Variants in GAS7 observed in about 807,000 individuals in gnomAD.
GAS7 encodes growth arrest specific 7, also known as growth arrest-specific protein 7.
Under a neutral mutation model 71.1 loss-of-function variants are expected in GAS7, and 28 were observed. The observed-to-expected ratio is 0.39, with a 90% CI of 0.29 to 0.54. The LOEUF (loss-of-function observed/expected upper bound fraction) is 0.54. GAS7 is among the 20% of genes least tolerant of loss of function. The pLI, the probability that GAS7 is intolerant of heterozygous loss-of-function variation, is 0.62. For synonymous variants in GAS7, 258 were observed against 245.8 expected, an observed-to-expected ratio of 1.05 and a Z score of -0.46; for missense variants, 436 against 627.8, an observed-to-expected ratio of 0.69 and a Z score of 3.27.
intron 1 of GAS7, among the ~76,000 whole-genome samples, chr17:10,031,383 A>G (rs2072613153): frequency 6.6e-6 from 1 of 152,202 alleles, no homozygotes; most frequent in South Asian, 2.1e-4. Context: ...TCACCCATCA[A>G]CCCTCACAGG....
At chr17:10,085,459 G>C (rs547471669) in intron 1 of GAS7, among the ~76,000 whole-genome samples, 3 of 152,042 alleles carry the variant, frequency 2.0e-5, no homozygotes, top group African/African-American at 7.2e-5. Context: ...CGAGGCGGGC[G>C]GATCACGAGG....
At chr17:10,036,288 G>A (rs1176746103) in intron 1 of GAS7, 7 of 745,048 alleles carry the variant, frequency 9.4e-6, no homozygotes, top group South Asian at 2.9e-5. Flanking sequence ...TAGCACACAG[G>A]GTCCCCAGAC....
At chr17:10,120,583 G>A (rs950730639) in intron 1 of GAS7, among the ~76,000 whole-genome samples, 6 of 152,150 alleles carry the variant, frequency 3.9e-5, no homozygotes, top group Admixed American at 1.3e-4. Flanking sequence ...GTGGTGGCAG[G>A]TGCCTGTAAT....
chr17:9,920,182 A>AGTGTGTGTGTGT lies in GAS7; in HGVS notation c.1139-489_1139-478dup, dbSNP rs59320661. ...GGAAGATAAATTTGCAGATCATGTA[A>AGTGTGTGTGTGT]GTGTGTGTGTGTGTGTGTGTGCATG... On this transcript the variant is annotated intron_variant, in intron 11 of 13. Transcript: ENST00000432992. Among the ~76,000 whole-genome samples, 164 of 141,152 alleles carry AGTGTGTGTGTGT rather than the reference A, an allele frequency of 1.2e-3. 2 individuals are homozygous for AGTGTGTGTGTGT. Among genetic ancestry groups the AGTGTGTGTGTGT allele is most frequent in the Middle Eastern group, 4.4e-3 (1 of 226 alleles). 92.6% of individuals were successfully genotyped at this position (141,152 alleles called of 152,430 possible). A position where few individuals can be genotyped will look rare whatever the true frequency, so the allele number is the denominator to read the frequency against.
intron 1 of GAS7, among the ~76,000 whole-genome samples, chr17:10,121,232 T>A (rs778922720): frequency 1.1e-4 from 17 of 152,024 alleles, no homozygotes; most frequent in Non-Finnish European, 2.2e-4. Flanking sequence ...AATACAAAAA[T>A]TAGCCGGACG....
chr17:9,981,730 C>T lies in GAS7; in HGVS notation c.385+74G>A. 1.1e-6 allele frequency: 1 copy of T among 884,674 alleles called. No homozygotes were observed. The allele number at this position is 884,674 out of a possible 1,614,324, so 54.8% of individuals were successfully genotyped here. On this transcript the variant is annotated intron_variant, in intron 3 of 13. Transcript: ENST00000432992. The surrounding 1 kb of genome is among the most constrained non-coding windows in gnomAD (Gnocchi z 4.4). The stretch of plus-strand genomic sequence containing the variant: ...TCAGCCAGGTTTAAGACCCAGGACC[C>T]ATCATCTCAGCCTCTCCACTGAATG...
At chr17:9,955,747 C>A in intron 5 of GAS7, among the ~76,000 whole-genome samples, 1 of 152,208 alleles carries the variant, frequency 6.6e-6, no homozygotes, top group East Asian at 1.9e-4. Context: ...GAGGGGCACG[C>A]CTCCCCGTGT....
intron 2 of GAS7, among the ~76,000 whole-genome samples, chr17:10,010,141 A>G (rs539933046): frequency 1.3e-5 from 2 of 151,316 alleles, no homozygotes; most frequent in Admixed American, 6.6e-5. Context: ...AACAGGTTCT[A>G]TTTCTTTTTT....
At chr17:10,025,583 TAA>T (rs1192125530) in intron 1 of GAS7, among the ~76,000 whole-genome samples, 39 of 139,090 alleles carry the variant, frequency 2.8e-4, no homozygotes, top group African/African-American at 3.2e-4. Flanking sequence ...ATTCCTCCTT[TAA>T]AAAAAAAAAA....
chr17:10,109,784 GGTGGTACAC>G (rs2073792928), intron 1 of GAS7, among the ~76,000 whole-genome samples: 1 of 152,012 alleles, frequency 6.6e-6, no homozygotes, highest in South Asian at 2.1e-4. Flanking sequence ...GGCCAGGCGC[GGTGGTACAC>G]GCCTGTAATC....
At chr17:10,109,322 T>C (rs1014885370) in intron 1 of GAS7, among the ~76,000 whole-genome samples, 3 of 152,210 alleles carry the variant, frequency 2.0e-5, no homozygotes, top group Admixed American at 1.3e-4. Flanking sequence ...CGGGTATGCC[T>C]GGCTTATTTA....
chr17:9,954,236 G>A (rs1325345001), intron 5 of GAS7, among the ~76,000 whole-genome samples: 1 of 152,156 alleles, frequency 6.6e-6, no homozygotes, highest in Non-Finnish European at 1.5e-5. Context: ...CAGCCCTTGT[G>A]CTTCTGGCTG....
Position 10,020,074 on chromosome 17 carries a change from T to C in GAS7, c.184-177A>G, listed in dbSNP as rs887246183. 65 of 606,972 alleles carry C rather than the reference T, an allele frequency of 1.1e-4. No homozygotes were observed. In the African/African-American group the frequency reaches 1.1e-3, roughly 11 times the overall value. The allele number at this position is 606,972 out of a possible 1,614,324, so 37.6% of individuals were successfully genotyped here. A position where few individuals can be genotyped will look rare whatever the true frequency, so the allele number is the denominator to read the frequency against. On this transcript the variant is annotated intron_variant, in intron 1 of 13. Transcript: ENST00000432992. ...CGTGACCTCCGGGGTTGCGTGAGCA[T>C]GAGCAGTGAGAAGCACCTGAGCATT...
At chr17:10,167,451 G>A (rs1007186697) in intron 1 of GAS7, among the ~76,000 whole-genome samples, 1 of 152,178 alleles carries the variant, frequency 6.6e-6, no homozygotes, top group African/African-American at 2.4e-5. Flanking sequence ...TCACGTGGGT[G>A]TCAAAAAGAT....
At chr17:10,001,785 C>T (rs531980962) in intron 2 of GAS7, among the ~76,000 whole-genome samples, 2 of 152,218 alleles carry the variant, frequency 1.3e-5, no homozygotes, top group South Asian at 4.1e-4. Flanking sequence ...TTTTTAAGTC[C>T]CTCTTTTCTG....
chr17:10,122,050 G>A (rs557714812), intron 1 of GAS7, among the ~76,000 whole-genome samples: 7 of 152,046 alleles, frequency 4.6e-5, no homozygotes, highest in South Asian at 2.1e-4. Context: ...ACACTCAAAC[G>A]GCACACACCA....
At chr17:10,134,156 G>A (rs375507227) in intron 1 of GAS7, among the ~76,000 whole-genome samples, 1 of 151,834 alleles carries the variant, frequency 6.6e-6, no homozygotes, top group Non-Finnish European at 1.5e-5. Flanking sequence ...TCAGCCTCCC[G>A]AGTAGCTGGG....
At position 10,075,626 on chromosome 17, in the gene GAS7, G is replaced by A. The variant is rs373332445; in HGVS notation, c.184-55729C>T. Among the ~76,000 whole-genome samples, 18 of 151,558 alleles carry A rather than the reference G, an allele frequency of 1.2e-4. 1 individual carries two copies. The South Asian group carries it at 2.7e-3, about 23-fold the overall frequency. ...CCTGGGCAATATAGCGAGACCCTACGTCTGCAAAAAATTAAGAAATTAGAT... is the reference window on the plus strand; with the variant it reads ...CCTGGGCAATATAGCGAGACCCTACATCTGCAAAAAATTAAGAAATTAGAT... On this transcript the variant is annotated intron_variant, in intron 1 of 13. Coordinates refer to ENST00000432992, the MANE Select transcript of GAS7 (RefSeq NM_201433.2).
intron 9 of GAS7, among the ~76,000 whole-genome samples, chr17:9,927,374 C>A (rs1280001771): frequency 1.3e-5 from 2 of 150,470 alleles, no homozygotes; most frequent in African/African-American, 2.5e-5. Context: ...GTAATCCCAG[C>A]TACTCAGGAG....
Sources: allele counts gnomAD v4.1 joint callset (sites outside exome capture counted in the v4.1 genomes callset), GRCh38; gene constraint gnomAD v4.1.1; non-coding constraint Gnocchi (gnomAD v3.1); transcripts MANE v1.5; gene names NCBI Gene and HGNC (gene_info 2026-07-23, HGNC 2026-07-21).